The following PKD1L1 variants were observed in gnomAD, a reference collection of about 807,000 sequenced individuals.
The protein encoded by PKD1L1 is polycystin-1-like protein 1.
A neutral mutation model predicts 323.4 loss-of-function variants in PKD1L1; 236 were observed. The ratio of observed to expected loss-of-function variants is 0.73; its 90% CI spans 0.66 to 0.81. The LOEUF is 0.81. PKD1L1 is among the 40% of genes least tolerant of loss of function. The probability of loss-of-function intolerance (pLI) is 0.00; values close to 1 mark genes in which losing one functional copy is unlikely to be tolerated. For missense variants in PKD1L1, 3,320 were observed against 3,508.0 expected (o/e 0.95, Z 1.35); for synonymous variants, 1,344 against 1,335.0 (o/e 1.01, Z -0.15).
intron 2 of PKD1L1, among the ~76,000 whole-genome samples, chr7:47,942,146 T>A (rs1197547543): frequency 6.6e-6 from 1 of 152,172 alleles, no homozygotes; most frequent in African/African-American, 2.4e-5. Context: ...TCTAATTTTG[T>A]TTTCTCGTCT....
chr7:47,906,057 T>A (rs1402510456), intron 9 of PKD1L1, 95 bp from the exon 10 acceptor site: 3 of 1,228,468 alleles, frequency 2.4e-6, no homozygotes, highest in African/African-American at 3.2e-5. Context: ...TTTTTAACTT[T>A]CCCCCTTTGA....
At chr7:47,837,135 A>T (rs1785476984) in intron 36 of PKD1L1, 41 bp from the exon 37 acceptor site, 2 of 1,604,058 alleles carry the variant, frequency 1.2e-6, no homozygotes, top group East Asian at 4.5e-5. Context: ...GACATGGAGC[A>T]TTTCTGTCAG....
chr7:47,829,659 CAG>C, intron 43 of PKD1L1, 58 bp from the exon 44 acceptor site: 1 of 1,493,752 alleles, frequency 6.7e-7, no homozygotes, highest in South Asian at 1.3e-5. Context: ...TCATTCCACA[CAG>C]AGCTGTCCTC....
chr7:47,795,184 T>A (rs1186757889), intron 55 of PKD1L1: 1 of 335,222 alleles, frequency 3.0e-6, no homozygotes, highest in African/African-American at 2.2e-5. Flanking sequence ...TTTGGCTGTG[T>A]CCCTATTCAA....
rs1366695322 is a variant in PKD1L1 at position 47,808,234 on chromosome 7, G to C, written c.7827+13C>G. The stretch of plus-strand genomic sequence containing the variant: ...ATGGCCTCTATCTGCATGGCCCTGA[G>C]CACACCGTGTACCTGATTCCATGAT... On this transcript the variant is annotated intron_variant, in intron 52 of 56. Transcript: ENST00000289672. 6.2e-7 allele frequency: 1 copy of C among 1,613,944 alleles called. No individual in the cohort carries two copies. The highest frequency in any genetic ancestry group is 8.5e-7 in the Non-Finnish European group (1 of 1,179,934).
upstream of PKD1L1, among the ~76,000 whole-genome samples, chr7:47,952,168 T>C (rs1394601830): frequency 6.6e-6 from 1 of 152,198 alleles, no homozygotes; most frequent in African/African-American, 2.4e-5. Flanking sequence ...ACACAGTGCT[T>C]GGGCAAATTT....
chr7:47,885,669 G>C lies in PKD1L1; in HGVS notation c.3205+17C>G. Reference sequence around the variant, plus strand: ...GCCTAGACAAGAGGGATGACATGCAGGAACAGTGGCACTTACCAGAGAGGT... The same window carrying C: ...GCCTAGACAAGAGGGATGACATGCACGAACAGTGGCACTTACCAGAGAGGT... On this transcript the variant is annotated intron_variant, in intron 18 of 56. Coordinates refer to ENST00000289672, the MANE Select transcript of PKD1L1 (RefSeq NM_138295.5). The C allele has an allele frequency of 6.3e-7, 1 of 1,599,358 alleles. No individual in the cohort carries two copies. Among genetic ancestry groups the C allele is most frequent in the Non-Finnish European group, 8.5e-7 (1 of 1,172,054 alleles).
chr7:47,880,284 A>ATATATATTTTTTTTTTT (rs1225214936), intron 21 of PKD1L1, among the ~76,000 whole-genome samples: 1 of 56,818 alleles, frequency 1.8e-5, no homozygotes, highest in African/African-American at 1.1e-4. Context: ...ATATATATAT[A>ATATATATTTTTTTTTTT]TTTTTTTTTT....
chr7:47,798,436 C>T (rs560821899), intron 54 of PKD1L1, among the ~76,000 whole-genome samples: 1 of 152,298 alleles, frequency 6.6e-6, no homozygotes, highest in South Asian at 2.1e-4. Flanking sequence ...GATGATTAAC[C>T]TAAATGTAAA....
At chr7:47,901,700 C>G (rs1412133367) in intron 13 of PKD1L1, among the ~76,000 whole-genome samples, 2 of 152,240 alleles carry the variant, frequency 1.3e-5, no homozygotes, top group Non-Finnish European at 2.9e-5. Context: ...CACTTGGTCT[C>G]TGCATGCTGA....
chr7:47,882,367 C>T (rs1348623309), intron 19 of PKD1L1, among the ~76,000 whole-genome samples: 1 of 145,440 alleles, frequency 6.9e-6, no homozygotes, highest in Non-Finnish European at 1.5e-5. Flanking sequence ...CCAGGTACTA[C>T]TCTAGAAATA....
intron 13 of PKD1L1, among the ~76,000 whole-genome samples, chr7:47,898,544 G>A (rs1325613207): frequency 6.6e-6 from 1 of 152,008 alleles, no homozygotes; most frequent in Non-Finnish European, 1.5e-5. Flanking sequence ...TAAATGTTAT[G>A]CTTCTGGGTT....
intron 33 of PKD1L1, among the ~76,000 whole-genome samples, chr7:47,843,995 C>T (rs1785614548): frequency 6.6e-6 from 1 of 152,082 alleles, no homozygotes; most frequent in African/African-American, 2.4e-5. Flanking sequence ...CTGCAGGGTG[C>T]TCACATCCTT....
At chr7:47,849,934 T>C (rs1785743972) in intron 31 of PKD1L1, among the ~76,000 whole-genome samples, 1 of 152,168 alleles carries the variant, frequency 6.6e-6, no homozygotes, top group Admixed American at 6.5e-5. Context: ...AAACCAAATA[T>C]TTTATGTTCT....
At chr7:47,952,819 C>A (rs1476411791), upstream of PKD1L1, among the ~76,000 whole-genome samples, 5 of 152,148 alleles carry the variant, frequency 3.3e-5, no homozygotes, top group Admixed American at 1.3e-4. Context: ...TTTGCTATAC[C>A]TGGGACTAAA....
At chr7:47,945,245 G>T (rs1295655302) in intron 1 of PKD1L1, among the ~76,000 whole-genome samples, 2 of 152,204 alleles carry the variant, frequency 1.3e-5, no homozygotes, top group African/African-American at 4.8e-5. Flanking sequence ...AATGCATTCA[G>T]CTCTTTAGAA....
chr7:47,857,330 T>C (rs1184995427), intron 28 of PKD1L1, among the ~76,000 whole-genome samples: 1 of 152,132 alleles, frequency 6.6e-6, no homozygotes, highest in Non-Finnish European at 1.5e-5. Flanking sequence ...TCTCTGACAA[T>C]GGATTAGAAG....
intron 55 of PKD1L1, chr7:47,795,341 T>C (rs1202251586): frequency 2.2e-6 from 1 of 455,536 alleles, no homozygotes; most frequent in Non-Finnish European, 4.4e-6. Flanking sequence ...TTATAATGGG[T>C]TTCCACTTTT....
chr7:47,795,431 G>T, intron 55 of PKD1L1: 1 of 446,232 alleles, frequency 2.2e-6, no homozygotes, highest in South Asian at 1.6e-5. Context: ...GGCCTCCCAA[G>T]TCATGTGGAA....
Sources: allele counts gnomAD v4.1 joint callset (sites outside exome capture counted in the v4.1 genomes callset), GRCh38; gene constraint gnomAD v4.1.1; transcripts MANE v1.5; gene names NCBI Gene and HGNC (gene_info 2026-07-23, HGNC 2026-07-21).